Variants in CPQ observed in about 807,000 individuals in gnomAD.
CPQ encodes Ser-Met dipeptidase.
A neutral mutation model predicts 45.7 loss-of-function variants in CPQ; 37 were observed. That is an observed-to-expected ratio of 0.81 (90% CI 0.62 to 1.07). The LOEUF (loss-of-function observed/expected upper bound fraction) is 1.07. CPQ is among the 50% of genes least tolerant of loss of function. CPQ has a pLI of 0.00. For synonymous variants in CPQ, 186 were observed against 205.8 expected, an observed-to-expected ratio of 0.90 and a Z score of 0.82; for missense variants, 537 against 572.9, an observed-to-expected ratio of 0.94 and a Z score of 0.64.
chr8:96,739,909 T>C (rs1305269049), intron 1 of CPQ, among the ~76,000 whole-genome samples: 1 of 152,176 alleles, frequency 6.6e-6, no homozygotes, highest in Non-Finnish European at 1.5e-5. Flanking sequence ...GCCTCCAGCT[T>C]TGTTCTTTTG....
At chr8:96,898,655 T>G in intron 4 of CPQ, among the ~76,000 whole-genome samples, 1 of 145,666 alleles carries the variant, frequency 6.9e-6, no homozygotes, top group Non-Finnish European at 1.5e-5. Context: ...AGGGATAGCA[T>G]TGGGAGATAT....
intron 1 of CPQ, among the ~76,000 whole-genome samples, chr8:96,688,443 G>A (rs577415712): frequency 6.6e-6 from 1 of 152,204 alleles, no homozygotes; most frequent in South Asian, 2.1e-4. Context: ...GTAGAAATAA[G>A]TGTTTACTTT....
intron 2 of CPQ, among the ~76,000 whole-genome samples, chr8:96,786,487 T>C (rs1810770161): frequency 6.6e-6 from 1 of 152,162 alleles, no homozygotes; most frequent in Non-Finnish European, 1.5e-5. Flanking sequence ...GCTATGAACA[T>C]TCATGCACAA....
chr8:96,680,250 T>C (rs1439761734), intron 1 of CPQ, among the ~76,000 whole-genome samples: 1 of 152,216 alleles, frequency 6.6e-6, no homozygotes, highest in Non-Finnish European at 1.5e-5. Flanking sequence ...GTTACTGATA[T>C]ATAGTTTTAG....
At chr8:96,677,265 G>T (rs1228376238) in intron 1 of CPQ, among the ~76,000 whole-genome samples, 1 of 152,106 alleles carries the variant, frequency 6.6e-6, no homozygotes, top group Non-Finnish European at 1.5e-5. Flanking sequence ...TTCCACAGTG[G>T]TTGTACCAGT....
At chr8:96,775,949 G>A (rs1221382957) in intron 1 of CPQ, among the ~76,000 whole-genome samples, 1 of 152,216 alleles carries the variant, frequency 6.6e-6, no homozygotes. Flanking sequence ...CAAAATGGAG[G>A]TTGGTTAGCA....
intron 7 of CPQ, among the ~76,000 whole-genome samples, chr8:97,113,224 C>A (rs1255157721): frequency 6.6e-6 from 1 of 152,040 alleles, no homozygotes; most frequent in Middle Eastern, 3.2e-3. Context: ...CCAGAAAGAC[C>A]TTTTTTTGTT....
intron 1 of CPQ, among the ~76,000 whole-genome samples, chr8:96,682,348 A>T (rs2514772): frequency 0.71 from 107,830 of 152,082 alleles, 38,645 homozygotes; most frequent in Middle Eastern, 0.82. Flanking sequence ...TGATGGTTTT[A>T]AAAAGAGAAG....
intron 3 of CPQ, among the ~76,000 whole-genome samples, chr8:96,870,622 A>G (rs535402611): frequency 6.6e-6 from 1 of 152,092 alleles, no homozygotes; most frequent in South Asian, 2.1e-4. Flanking sequence ...CAATTTTGTC[A>G]TCTGTACAAT....
chr8:96,800,765 TA>T (rs1810996236), intron 2 of CPQ, among the ~76,000 whole-genome samples: 1 of 152,150 alleles, frequency 6.6e-6, no homozygotes, highest in African/African-American at 2.4e-5. Context: ...GCACACAGAA[TA>T]ATATTTTATA....
At chr8:96,788,669 CA>C (rs1810808547) in intron 2 of CPQ, among the ~76,000 whole-genome samples, 1 of 150,454 alleles carries the variant, frequency 6.6e-6, no homozygotes, top group African/African-American at 2.4e-5. Flanking sequence ...TGAAGTTTTT[CA>C]TCAAATTTGA....
chr8:96,721,745 T>C (rs1216063165), intron 1 of CPQ, among the ~76,000 whole-genome samples: 1 of 152,172 alleles, frequency 6.6e-6, no homozygotes, highest in Non-Finnish European at 1.5e-5. Flanking sequence ...CAGGTCCCCC[T>C]CTATGATCTT....
At chr8:96,824,420 C>T (rs546827405) in intron 2 of CPQ, among the ~76,000 whole-genome samples, 67 of 152,182 alleles carry the variant, frequency 4.4e-4, no homozygotes, top group African/African-American at 1.5e-3. Context: ...TCATTATTTT[C>T]ACTCAAGTCT....
chr8:96,948,943 C>G (rs1219228068), intron 4 of CPQ, among the ~76,000 whole-genome samples: 4 of 152,048 alleles, frequency 2.6e-5, no homozygotes, highest in South Asian at 4.1e-4. Context: ...TATGTTTTGT[C>G]TAAGGATAGC....
chr8:96,946,176 C>T (rs1376185921), intron 4 of CPQ, among the ~76,000 whole-genome samples: 3 of 148,256 alleles, frequency 2.0e-5, no homozygotes, highest in African/African-American at 7.4e-5. Flanking sequence ...GCCAGTTTTC[C>T]ATAGTAGAAA....
At chr8:97,036,021 T>C (rs1809997646) in intron 6 of CPQ, among the ~76,000 whole-genome samples, 3 of 152,188 alleles carry the variant, frequency 2.0e-5, no homozygotes, top group Admixed American at 2.0e-4. Flanking sequence ...TAAGACTATC[T>C]TCATTTCGGT....
At chr8:97,101,120 A>G (rs925625495) in intron 7 of CPQ, among the ~76,000 whole-genome samples, 1 of 152,188 alleles carries the variant, frequency 6.6e-6, no homozygotes, top group African/African-American at 2.4e-5. Context: ...CTCTTGGCAT[A>G]TATAATACTC....
chr8:96,822,160 T>C (rs1811315573), intron 2 of CPQ, among the ~76,000 whole-genome samples: 1 of 152,064 alleles, frequency 6.6e-6, no homozygotes, highest in African/African-American at 2.4e-5. Context: ...GCATTTTTCT[T>C]TGTGTGCCTG....
chr8:96,913,733 A>G (rs1449172430), intron 4 of CPQ, among the ~76,000 whole-genome samples: 1 of 152,204 alleles, frequency 6.6e-6, no homozygotes, highest in African/African-American at 2.4e-5. Flanking sequence ...TTGTCTAGCT[A>G]CTTATGTTAT....
Sources: allele counts gnomAD v4.1 joint callset (sites outside exome capture counted in the v4.1 genomes callset), GRCh38; gene constraint gnomAD v4.1.1; transcripts MANE v1.5; gene names NCBI Gene and HGNC (gene_info 2026-07-23, HGNC 2026-07-21).